Variants in RPRD2 observed in about 807,000 individuals in gnomAD.
RPRD2 encodes the protein regulation of nuclear pre-mRNA domain-containing protein 2.
RPRD2 carries 12 observed loss-of-function variants against 104.4 expected under a neutral mutation model. That is an observed-to-expected ratio of 0.11 (90% CI 0.07 to 0.19). The LOEUF (loss-of-function observed/expected upper bound fraction) is 0.19, where lower values mean the gene tolerates loss of function less well. RPRD2 is among the 10% of genes least tolerant of loss of function. The pLI is 1.00. For synonymous variants in RPRD2, 714 were observed against 684.9 expected (o/e 1.04, Z -0.66); for missense variants, 1,543 against 1,790.1 (o/e 0.86, Z 2.49).
At chr1:150,407,361 A>AT (rs1663560138) in intron 1 of RPRD2, among the ~76,000 whole-genome samples, 1 of 152,254 alleles carries the variant, frequency 6.6e-6, no homozygotes, top group Admixed American at 6.5e-5. Flanking sequence ...ACTTCTATAC[A>AT]TACAGCACCA....
At chr1:150,438,092 G>T (rs1553893563) in intron 2 of RPRD2, among the ~76,000 whole-genome samples, 1 of 147,658 alleles carries the variant, frequency 6.8e-6, no homozygotes, top group Non-Finnish European at 1.5e-5. Context: ...GACCAGCCTG[G>T]CCAATACGGT....
intron 2 of RPRD2, among the ~76,000 whole-genome samples, chr1:150,421,158 TAACTC>T (rs1331890835): frequency 6.6e-5 from 10 of 152,172 alleles, no homozygotes; most frequent in Admixed American, 5.9e-4. Flanking sequence ...ACTAATAAGA[TAACTC>T]AGCTAAATAG....
chr1:150,436,101 C>G (rs587691885), intron 2 of RPRD2, among the ~76,000 whole-genome samples: 21 of 151,608 alleles, frequency 1.4e-4, no homozygotes, highest in African/African-American at 4.8e-4. Context: ...ATATTTCAAG[C>G]CCAATGTTGA....
At chr1:150,430,891 C>T (rs1480639777) in intron 2 of RPRD2, among the ~76,000 whole-genome samples, 1 of 151,392 alleles carries the variant, frequency 6.6e-6, no homozygotes, top group Non-Finnish European at 1.5e-5. Flanking sequence ...CGCGCCGTTG[C>T]ACTCCAGCTT....
intron 2 of RPRD2, among the ~76,000 whole-genome samples, chr1:150,437,492 T>A (rs953634727): frequency 6.6e-6 from 1 of 152,172 alleles, no homozygotes; most frequent in African/African-American, 2.4e-5. Context: ...AGTATTTTTT[T>A]AACTAACATA....
Position 150,433,825 on chromosome 1 carries a change from A to ATAATATATATAATATGTATAATATATG in RPRD2, c.336-7091_336-7090insTATAATATGTATAATATATGTAATATA, listed in dbSNP as rs376432383. On this transcript the variant is annotated intron_variant, in intron 2 of 10. Coordinates refer to ENST00000369068, the MANE Select transcript of RPRD2 (RefSeq NM_015203.5). ...ATATAATATGTATAATATATGTAAT[A>ATAATATATATAATATGTATAATATATG]TAATATACATAATATGTTATATATA... Among the ~76,000 whole-genome samples, 376 of 142,610 alleles carry ATAATATATATAATATGTATAATATATG rather than the reference A, an allele frequency of 2.6e-3. 15 individuals are homozygous for ATAATATATATAATATGTATAATATATG. Among genetic ancestry groups the ATAATATATATAATATGTATAATATATG allele is most frequent in the African/African-American group, 8.1e-3 (307 of 37,724 alleles). 93.6% of individuals were successfully genotyped at this position (142,610 alleles called of 152,430 possible).
intron 1 of RPRD2, among the ~76,000 whole-genome samples, chr1:150,386,350 C>A (rs113407511): frequency 5.9e-5 from 9 of 152,046 alleles, no homozygotes; most frequent in South Asian, 2.1e-4. Context: ...TTTGGGAGGC[C>A]GAGGCAGGTG....
intron 1 of RPRD2, among the ~76,000 whole-genome samples, chr1:150,379,680 G>T (rs1660987523): frequency 6.6e-6 from 1 of 152,204 alleles, no homozygotes; most frequent in South Asian, 2.1e-4. Context: ...GGGATTACAG[G>T]TGTGAGCCAC....
At chr1:150,389,248 C>T (rs1661876765) in intron 1 of RPRD2, among the ~76,000 whole-genome samples, 1 of 152,100 alleles carries the variant, frequency 6.6e-6, no homozygotes, top group African/African-American at 2.4e-5. Context: ...CAGGGTTTCA[C>T]CATGTTGCCC....
chr1:150,418,053 C>T (rs779510539), intron 2 of RPRD2, among the ~76,000 whole-genome samples: 19 of 151,874 alleles, frequency 1.3e-4, no homozygotes, highest in Non-Finnish European at 2.1e-4. Flanking sequence ...CTGCAGCCTC[C>T]GCCTCCCGGG....
intron 1 of RPRD2, among the ~76,000 whole-genome samples, chr1:150,412,411 A>G (rs1326746010): frequency 1.3e-5 from 2 of 152,172 alleles, no homozygotes; most frequent in African/African-American, 4.8e-5. Context: ...GAGATTTAAC[A>G]TGGGGGTGGT....
chr1:150,396,925 T>C (rs587678236), intron 1 of RPRD2, among the ~76,000 whole-genome samples: 1 of 151,960 alleles, frequency 6.6e-6, no homozygotes, highest in African/African-American at 2.4e-5. Flanking sequence ...AAAATAATGA[T>C]TACCATAATA....
intron 1 of RPRD2, among the ~76,000 whole-genome samples, chr1:150,378,091 ATGT>A (rs1660856534): frequency 6.6e-6 from 1 of 152,172 alleles, no homozygotes; most frequent in Non-Finnish European, 1.5e-5. Flanking sequence ...GCTTACAAGT[ATGT>A]TGTTATTACT....
At chr1:150,409,990 G>GA (rs1457613817) in intron 1 of RPRD2, among the ~76,000 whole-genome samples, 1 of 152,152 alleles carries the variant, frequency 6.6e-6, no homozygotes, top group South Asian at 2.1e-4. Flanking sequence ...TATTCACTGA[G>GA]AAAGGAACAT....
chr1:150,377,442 CAA>C (rs1244447279), intron 1 of RPRD2, among the ~76,000 whole-genome samples: 1 of 149,390 alleles, frequency 6.7e-6, no homozygotes, highest in African/African-American at 2.5e-5. Flanking sequence ...ACTAAAAATA[CAA>C]AAAATTAGCC....
chr1:150,378,231 A>G, intron 1 of RPRD2, among the ~76,000 whole-genome samples: 1 of 152,328 alleles, frequency 6.6e-6, no homozygotes, highest in Non-Finnish European at 1.5e-5. Flanking sequence ...TCATTAGTTA[A>G]TGTATTATTA....
intron 1 of RPRD2, among the ~76,000 whole-genome samples, chr1:150,388,598 A>G (rs1266170039): frequency 6.7e-6 from 1 of 150,300 alleles, no homozygotes; most frequent in African/African-American, 2.5e-5. Flanking sequence ...AAAACCAATG[A>G]ATCAATATTG....
chr1:150,444,053 C>T (rs1300960707), intron 5 of RPRD2, among the ~76,000 whole-genome samples, 198 bp from the exon 6 acceptor site: 1 of 152,112 alleles, frequency 6.6e-6, no homozygotes, highest in Non-Finnish European at 1.5e-5. Context: ...TATAACTAAA[C>T]ATGGTTTTGA....
chr1:150,436,898 C>A (rs1420697723), intron 2 of RPRD2, among the ~76,000 whole-genome samples: 2 of 151,284 alleles, frequency 1.3e-5, no homozygotes, highest in East Asian at 2.0e-4. Context: ...AGCAAAACTC[C>A]GTCTCAAATA....
Sources: gnomAD v4.1 joint callset for allele counts (sites outside exome capture counted in the v4.1 genomes callset) on GRCh38, gnomAD v4.1.1 for gene constraint, MANE v1.5 for transcripts, NCBI Gene and HGNC (gene_info 2026-07-23, HGNC 2026-07-21) for gene names.